The following RIDA variants were observed in gnomAD, a reference collection of about 807,000 sequenced individuals.
The protein encoded by RIDA is reactive intermediate imine deaminase A.
Under a neutral mutation model 17.8 loss-of-function variants are expected in RIDA, and 17 were observed. The observed-to-expected ratio is 0.96, with a 90% confidence interval of 0.65 to 1.43. RIDA has a LOEUF of 1.43. Among genes scored for constraint, RIDA ranks in the 40% most tolerant of loss-of-function variants. The pLI is 0.00. For synonymous variants in RIDA, 48 were observed against 55.7 expected, an observed-to-expected ratio of 0.86 and a Z score of 0.62; for missense variants, 158 against 161.7, an observed-to-expected ratio of 0.98 and a Z score of 0.12.
At chr8:98,109,727 C>G (rs1015377564) in intron 1 of RIDA, among the ~76,000 whole-genome samples, 1 of 152,130 alleles carries the variant, frequency 6.6e-6, no homozygotes, top group Non-Finnish European at 1.5e-5. Context: ...TCCTAAGTAG[C>G]TGAGACTAAA....
chr8:98,112,077 A>G (rs1456257021), intron 1 of RIDA, among the ~76,000 whole-genome samples: 1 of 152,058 alleles, frequency 6.6e-6, no homozygotes, highest in Admixed American at 6.6e-5. Context: ...CCATAAGTAT[A>G]TGTAGAGTGC....
At position 98,117,107 on chromosome 8, in the gene RIDA, T is replaced by TG. The variant is rs1335108329; in HGVS notation, c.-12_-11insC. ...GATCAAGGACGACATGGCTAAGCCT[T>TG]CCCTCTTGCAGCCCCTTCAGGAGAA... On this transcript the variant is annotated 5_prime_UTR_variant, in exon 1 of 6. Transcript: ENST00000254878. 1 of 1,613,792 alleles carries TG rather than the reference T, an allele frequency of 6.2e-7. No homozygotes were observed. The highest frequency in any genetic ancestry group is 8.5e-7 in the Non-Finnish European group (1 of 1,179,776).
intron 1 of RIDA, chr8:98,113,902 T>A (rs1451382843): frequency 6.6e-6 from 1 of 152,220 alleles, no homozygotes; most frequent in Non-Finnish European, 1.5e-5. Context: ...ATCCCCTAAC[T>A]ATTCTCACTT....
intron 1 of RIDA, among the ~76,000 whole-genome samples, chr8:98,116,173 A>G (rs1180615456): frequency 6.6e-6 from 1 of 152,222 alleles, no homozygotes; most frequent in Non-Finnish European, 1.5e-5. Flanking sequence ...TCAAAACCAA[A>G]GGACTACCTC....
At chr8:98,105,775 G>A (rs573356855) in intron 4 of RIDA, among the ~76,000 whole-genome samples, 163 bp downstream of exon 4, 1 of 152,214 alleles carries the variant, frequency 6.6e-6, no homozygotes, top group South Asian at 2.1e-4. Flanking sequence ...TTTTTCATGG[G>A]GGGTATACAA....
At chr8:98,114,686 A>G (rs1162355889) in intron 1 of RIDA, among the ~76,000 whole-genome samples, 1 of 152,134 alleles carries the variant, frequency 6.6e-6, no homozygotes, top group African/African-American at 2.4e-5. Flanking sequence ...TAATCTTATC[A>G]AATGGTATTA....
chr8:98,109,897 T>C (rs913443612), intron 1 of RIDA, among the ~76,000 whole-genome samples: 1 of 151,964 alleles, frequency 6.6e-6, no homozygotes, highest in East Asian at 1.9e-4. Flanking sequence ...GATTACAGGC[T>C]TGAGCCTCAA....
At chr8:98,111,046 G>A (rs1315051792) in intron 1 of RIDA, among the ~76,000 whole-genome samples, 2 of 152,004 alleles carry the variant, frequency 1.3e-5, no homozygotes, top group African/African-American at 4.8e-5. Context: ...TAAATACTCG[G>A]GTTGTATCTT....
At position 98,112,936 on chromosome 8, in the gene RIDA, C is replaced by G. The variant is rs559461862; in HGVS notation, c.65+4096G>C. On this transcript the variant is annotated intron_variant, in intron 1 of 5. Transcript: ENST00000254878. ...TCTGAGCTATGTGAGTTATCTCTTA[C>G]AGATCTAAAGAGGTTTGTTCATAAG... 7.1e-4 allele frequency among the ~76,000 whole-genome samples: 108 copies of G among 152,294 alleles called. 2 individuals are homozygous for G. The South Asian group carries it at 0.022, about 31-fold the overall frequency.
chr8:98,102,956 C>T, intron 5 of RIDA, 52 bp from the exon 6 acceptor site: 1 of 1,262,538 alleles, frequency 7.9e-7, no homozygotes, highest in Non-Finnish European at 1.1e-6. Flanking sequence ...AAATTGCAAA[C>T]TCTATAATAC....
chr8:98,104,294 C>T (rs1815604336), intron 5 of RIDA, among the ~76,000 whole-genome samples, 195 bp downstream of exon 5: 1 of 151,934 alleles, frequency 6.6e-6, no homozygotes, highest in East Asian at 1.9e-4. Context: ...GCTATGTTGC[C>T]CAGGCTGGTC....
At chr8:98,106,209 A>T in intron 3 of RIDA, 63 bp downstream of exon 3, 2 of 1,489,670 alleles carry the variant, frequency 1.3e-6, no homozygotes. Flanking sequence ...TGGATGCCAT[A>T]TATTTTTCAA....
chr8:98,107,736 T>C (rs1815651352), intron 2 of RIDA, among the ~76,000 whole-genome samples: 1 of 151,586 alleles, frequency 6.6e-6, no homozygotes, highest in Non-Finnish European at 1.5e-5. Flanking sequence ...TAACTGGGAC[T>C]ACAGGCATGT....
intron 1 of RIDA, among the ~76,000 whole-genome samples, chr8:98,111,738 C>G (rs1815730069): frequency 6.6e-6 from 1 of 152,078 alleles, no homozygotes; most frequent in Admixed American, 6.6e-5. Context: ...AAACTTTCCT[C>G]TTTTATTTCA....
chr8:98,116,752 C>A (rs1815838731), intron 1 of RIDA, among the ~76,000 whole-genome samples: 1 of 152,184 alleles, frequency 6.6e-6, no homozygotes, highest in African/African-American at 2.4e-5. Context: ...CCCCCTCCCC[C>A]AAAACAAAAC....
At chr8:98,114,087 G>A (rs1198498916) in intron 1 of RIDA, among the ~76,000 whole-genome samples, 1 of 152,154 alleles carries the variant, frequency 6.6e-6, no homozygotes, top group African/African-American at 2.4e-5. Flanking sequence ...CCAGCTACTT[G>A]GGAAGCTGAG....
chr8:98,108,809 T>G (rs79587389), intron 1 of RIDA, 58 bp from the exon 2 acceptor site: 2 of 983,276 alleles, frequency 2.0e-6, no homozygotes, highest in Non-Finnish European at 3.1e-6. Flanking sequence ...AATTCAATGC[T>G]AGAAGACTTT....
At chr8:98,103,501 C>T (rs910003439) in intron 5 of RIDA, among the ~76,000 whole-genome samples, 1 of 152,118 alleles carries the variant, frequency 6.6e-6, no homozygotes, top group Non-Finnish European at 1.5e-5. Context: ...GATTATTTTT[C>T]TAGTGGAAGG....
chr8:98,112,928 A>T (rs1815748456), intron 1 of RIDA, among the ~76,000 whole-genome samples: 2 of 152,220 alleles, frequency 1.3e-5, no homozygotes, highest in South Asian at 4.1e-4. Context: ...TATGTGAGTT[A>T]TCTCTTACAG....
Sources: allele counts gnomAD v4.1 joint callset (sites outside exome capture counted in the v4.1 genomes callset), GRCh38; gene constraint gnomAD v4.1.1; transcripts MANE v1.5; gene names NCBI Gene and HGNC (gene_info 2026-07-23, HGNC 2026-07-21).